PLOD2: variants seen among roughly 807,000 people sequenced by gnomAD.
PLOD2 encodes the protein procollagen-lysine,2-oxoglutarate 5-dioxygenase 2.
A neutral mutation model predicts 101.0 loss-of-function variants in PLOD2; 65 were observed. The ratio of observed to expected loss-of-function variants is 0.64; its 90% CI spans 0.53 to 0.79. The LOEUF is 0.79. PLOD2 is among the 30% of genes least tolerant of loss of function. The pLI, the probability that PLOD2 is intolerant of heterozygous loss-of-function variation, is 0.00. For missense variants in PLOD2, 909 were observed against 914.6 expected (o/e 0.99, Z 0.08); for synonymous variants, 314 against 302.9 (o/e 1.04, Z -0.38).
chr3:146,103,411 G>T (rs566294928), intron 6 of PLOD2, among the ~76,000 whole-genome samples: 1 of 151,664 alleles, frequency 6.6e-6, no homozygotes, highest in African/African-American at 2.4e-5. Flanking sequence ...CAGAGCCATC[G>T]TCTTAAAATT....
chr3:146,078,198 A>G (rs1936411175), intron 13 of PLOD2, among the ~76,000 whole-genome samples: 1 of 151,844 alleles, frequency 6.6e-6, no homozygotes, highest in African/African-American at 2.4e-5. Context: ...GACACATAAG[A>G]CAACGGAAAA....
At chr3:146,090,614 A>C (rs1936940285) in intron 8 of PLOD2, among the ~76,000 whole-genome samples, 1 of 151,766 alleles carries the variant, frequency 6.6e-6, no homozygotes, top group Non-Finnish European at 1.5e-5. Flanking sequence ...CTTTGCAGAT[A>C]GGAAACAGTT....
At position 146,161,026 on chromosome 3, in the gene PLOD2, A is replaced by G; in HGVS notation, c.-37T>C. 1 of 1,361,166 alleles carries G rather than the reference A, an allele frequency of 7.3e-7. No homozygotes were observed. The highest frequency in any genetic ancestry group is 1.0e-6 in the Non-Finnish European group (1 of 975,550). 84.3% of individuals were successfully genotyped at this position (1,361,166 alleles called of 1,614,324 possible). A position where few individuals can be genotyped will look rare whatever the true frequency, so the allele number is the denominator to read the frequency against. The stretch of plus-strand genomic sequence containing the variant: ...GAGGGCCGCGCGGGCTCAGGCGCCC[A>G]CGGCCCCGCAGCGCCGCGCTTCTCG... On this transcript the variant is annotated 5_prime_UTR_variant, in exon 1 of 20. Coordinates refer to ENST00000282903, the MANE Select transcript of PLOD2 (RefSeq NM_182943.3).
chr3:146,072,779 T>C, intron 16 of PLOD2, 114 bp from the exon 17 acceptor site: 1 of 712,916 alleles, frequency 1.4e-6, no homozygotes, highest in Non-Finnish European at 2.5e-6. Flanking sequence ...GGAAACATAG[T>C]TTTCTGTCAT....
At position 146,121,106 on chromosome 3, in the gene PLOD2, T is replaced by C; in HGVS notation, c.338+6A>G. 1.3e-6 allele frequency: 2 copies of C among 1,582,064 alleles called. No homozygotes were observed. Among genetic ancestry groups the C allele is most frequent in the Non-Finnish European group, 1.7e-6 (2 of 1,151,054 alleles). ...GATTTTAAAATCCACAGGGTGTTTC[T>C]CCTACCATTCAGTAAACATGACAAC... On this transcript the variant is annotated splice_donor_region_variant and intron_variant, in intron 3 of 19. Transcript: ENST00000282903.
intron 1 of PLOD2, among the ~76,000 whole-genome samples, chr3:146,132,993 G>T (rs2031006406): frequency 6.6e-6 from 1 of 152,084 alleles, no homozygotes; most frequent in Admixed American, 6.6e-5. Context: ...CCTGGCTATG[G>T]TGAAACCCGG....
chr3:146,076,538 T>TG, intron 15 of PLOD2: 1 of 286,808 alleles, frequency 3.5e-6, no homozygotes, highest in Non-Finnish European at 6.5e-6. Context: ...CTTTCCAAAT[T>TG]CATTCCGACC....
chr3:146,106,761 G>A (rs1937541612), intron 4 of PLOD2, 117 bp from the exon 5 acceptor site: 12 of 731,318 alleles, frequency 1.6e-5, no homozygotes, highest in South Asian at 1.3e-4. Flanking sequence ...TAATTCTTAG[G>A]CTGGAATTTC....
At chr3:146,091,238 C>T (rs575715746) in intron 8 of PLOD2, among the ~76,000 whole-genome samples, 55 of 151,734 alleles carry the variant, frequency 3.6e-4, no homozygotes, top group Non-Finnish European at 6.8e-4. Flanking sequence ...TATTCAAATC[C>T]CAACTCCAAC....
chr3:146,088,609 G>A lies in PLOD2; in HGVS notation c.982C>T (p.Leu328Phe). Residue 328 changes from leucine to phenylalanine, a missense_variant, in exon 9 of 20, where the codon CTT becomes TTT. By Grantham distance (22) the Leu-to-Phe change is conservative. Coordinates refer to ENST00000282903, the MANE Select transcript of PLOD2 (RefSeq NM_182943.3). ...ACTTTGTTATGAATAAAAAGTTTAA[G>A]TGCTTCTTTTGGGTAATCCAGTGTC... ...LLTLDYPKEA[L>F]KLFIHNKEVY... The A allele has an allele frequency of 1.3e-6, 2 of 1,580,978 alleles. No homozygotes were observed. The highest frequency in any genetic ancestry group is 1.3e-5 in the African/African-American group (1 of 74,270).
Position 146,073,340 on chromosome 3 carries a change from T to G in PLOD2, c.1690A>C (p.Lys564Gln). The G allele has an allele frequency of 8.3e-7, 1 of 1,199,904 alleles. No individual in the cohort carries two copies. The allele number at this position is 1,199,904 out of a possible 1,614,324, so 74.3% of individuals were successfully genotyped here. A position where few individuals can be genotyped will look rare whatever the true frequency, so the allele number is the denominator to read the frequency against. ...IFENPVDWKEKYINRDYSKIF... is the reference protein window; with the variant it reads ...IFENPVDWKEQYINRDYSKIF... ...TTTGAATAATCACGGTTTATATACTTTTCCTTCCAGTCCTATAAAAAGAAG... is the reference window on the plus strand; with the variant it reads ...TTTGAATAATCACGGTTTATATACTGTTCCTTCCAGTCCTATAAAAAGAAG... The change falls in exon 16 of 20, where the codon AAG becomes CAG. Residue 564 changes from lysine to glutamine, a missense_variant. Coordinates refer to ENST00000282903, the MANE Select transcript of PLOD2 (RefSeq NM_182943.3).
intron 1 of PLOD2, among the ~76,000 whole-genome samples, chr3:146,160,361 G>A (rs926807326): frequency 2.0e-5 from 3 of 152,240 alleles, no homozygotes; most frequent in Non-Finnish European, 1.5e-5. Flanking sequence ...GGGTAGCCAG[G>A]CAGCCTTACT....
intron 1 of PLOD2, among the ~76,000 whole-genome samples, chr3:146,143,303 A>AT (rs1203591583): frequency 8.3e-6 from 1 of 121,004 alleles, no homozygotes; most frequent in African/African-American, 2.8e-5. Context: ...GAGTGAGAAT[A>AT]TAAAAAAAAA....
At chr3:146,077,837 T>A (rs1576574070) in intron 14 of PLOD2, 25 bp downstream of exon 14, 2 of 1,414,108 alleles carry the variant, frequency 1.4e-6, no homozygotes, top group African/African-American at 1.4e-5. Context: ...TAAACAAAAA[T>A]AAATAAAATA....
chr3:146,106,622 A>G lies in PLOD2; in HGVS notation c.525T>C (p.Tyr175=). The G allele has an allele frequency of 6.4e-7, 1 of 1,571,162 alleles. No individual in the cohort carries two copies. Among genetic ancestry groups the G allele is most frequent in the African/African-American group, 1.3e-5 (1 of 74,190 alleles). Residue 175 remains tyrosine (Y), a synonymous_variant, in exon 5 of 20, where the codon TAT becomes TAC. Transcript: ENST00000282903. ...NSGGFIGYAP[Y]VNRIVQQWNL... The stretch of plus-strand genomic sequence containing the variant: ...TCCATTGTTGAACTATACGGTTGAC[A>G]TATGGAGCATAGCCAATAAATCCTG...
At chr3:146,100,081 A>G (rs1268324290) in intron 7 of PLOD2, among the ~76,000 whole-genome samples, 1 of 151,924 alleles carries the variant, frequency 6.6e-6, no homozygotes, top group Non-Finnish European at 1.5e-5. Flanking sequence ...GGGTTTCACC[A>G]TGTTGGTCAG....
intron 1 of PLOD2, among the ~76,000 whole-genome samples, chr3:146,149,916 GT>G (rs1314833968): frequency 6.6e-6 from 1 of 151,890 alleles, no homozygotes; most frequent in Non-Finnish European, 1.5e-5. Flanking sequence ...CCTGGAAACA[GT>G]AGGAAAAATA....
chr3:146,134,909 C>T (rs2108115447), intron 1 of PLOD2, among the ~76,000 whole-genome samples: 1 of 152,212 alleles, frequency 6.6e-6, no homozygotes, highest in Non-Finnish European at 1.5e-5. Flanking sequence ...ATGTACAAGT[C>T]TGCCGAAATT....
chr3:146,137,631 T>C (rs575642212), intron 1 of PLOD2, among the ~76,000 whole-genome samples: 33 of 152,240 alleles, frequency 2.2e-4, no homozygotes, highest in African/African-American at 7.7e-4. Flanking sequence ...TTTTCAAGCA[T>C]TAGCATGGAC....
Sources: allele counts gnomAD v4.1 joint callset (sites outside exome capture counted in the v4.1 genomes callset), GRCh38; gene constraint gnomAD v4.1.1; transcripts MANE v1.5; gene names NCBI Gene and HGNC (gene_info 2026-07-23, HGNC 2026-07-21).